The following EYS variants were observed in gnomAD, a reference collection of about 807,000 sequenced individuals.
The protein encoded by EYS is EGF-like photoreceptor maintenance factor.
Under a neutral mutation model 282.1 loss-of-function variants are expected in EYS, and 250 were observed. The ratio of observed to expected loss-of-function variants is 0.89; its 90% CI spans 0.80 to 0.98. The LOEUF is 0.98. Ranked by LOEUF, EYS falls within the 50% of genes least tolerant of loss-of-function variation. The probability of loss-of-function intolerance (pLI) is 0.00; values close to 1 mark genes in which losing one functional copy is unlikely to be tolerated. For missense variants in EYS, 4,016 were observed against 3,709.0 expected (o/e 1.08, Z -2.15); for synonymous variants, 1,355 against 1,282.9 (o/e 1.06, Z -1.20).
At chr6:64,716,520 C>T (rs550026696) in intron 22 of EYS, among the ~76,000 whole-genome samples, 1 of 152,304 alleles carries the variant, frequency 6.6e-6, no homozygotes, top group South Asian at 2.1e-4. Context: ...TATCCTCTGC[C>T]ATTTCACCAA....
chr6:64,962,087 T>C (rs991215686), intron 14 of EYS, among the ~76,000 whole-genome samples: 1 of 152,132 alleles, frequency 6.6e-6, no homozygotes, highest in Non-Finnish European at 1.5e-5. Context: ...CTGTTCTTTG[T>C]CACTACTTCT....
intron 42 of EYS, among the ~76,000 whole-genome samples, chr6:63,723,784 T>C (rs917143787): frequency 7.3e-6 from 1 of 136,788 alleles, no homozygotes; most frequent in African/African-American, 2.7e-5. Flanking sequence ...TAAGTACACA[T>C]TGGCATTATT....
intron 35 of EYS, among the ~76,000 whole-genome samples, chr6:63,951,942 C>A (rs1765613449): frequency 1.3e-5 from 2 of 152,070 alleles, no homozygotes; most frequent in Admixed American, 1.3e-4. Flanking sequence ...ATTTTATTAC[C>A]CAATCTGCTC....
intron 22 of EYS, among the ~76,000 whole-genome samples, chr6:64,811,421 T>TAAA (rs35955002): frequency 6.8e-5 from 10 of 146,350 alleles, no homozygotes; most frequent in African/African-American, 2.5e-4. Context: ...CTTCATGCTG[T>TAAA]AAAAAAAAAA....
chr6:64,466,665 C>T (rs1215195814), intron 26 of EYS, among the ~76,000 whole-genome samples: 1 of 151,904 alleles, frequency 6.6e-6, no homozygotes, highest in Non-Finnish European at 1.5e-5. Context: ...TTAAAGATAT[C>T]TATTGTACAA....
At chr6:65,183,348 A>G (rs1002471280) in intron 12 of EYS, among the ~76,000 whole-genome samples, 1 of 151,910 alleles carries the variant, frequency 6.6e-6, no homozygotes, top group African/African-American at 2.4e-5. Flanking sequence ...TAAAAAGTGT[A>G]AAAAGGGTGA....
intron 13 of EYS, among the ~76,000 whole-genome samples, chr6:65,028,838 T>C (rs183701577): frequency 2.2e-4 from 34 of 152,220 alleles, no homozygotes; most frequent in African/African-American, 7.2e-4. Flanking sequence ...AGTTTAGCAA[T>C]CATTGATAAT....
At chr6:64,492,958 C>A (rs1383549685) in intron 26 of EYS, among the ~76,000 whole-genome samples, 1 of 151,194 alleles carries the variant, frequency 6.6e-6, no homozygotes, top group African/African-American at 2.4e-5. Context: ...TGTCATAATG[C>A]AAGTAAATTC....
intron 2 of EYS, among the ~76,000 whole-genome samples, chr6:65,514,565 C>G (rs1209041106): frequency 6.6e-6 from 1 of 152,186 alleles, no homozygotes; most frequent in Non-Finnish European, 1.5e-5. Context: ...GTAACCAAAA[C>G]AGCATGGTAC....
At chr6:65,620,260 G>A (rs547898111) in intron 2 of EYS, among the ~76,000 whole-genome samples, 7 of 152,160 alleles carry the variant, frequency 4.6e-5, no homozygotes, top group South Asian at 4.2e-4. Flanking sequence ...CAGAGATTCA[G>A]CTTCTTCCTG....
At position 64,972,693 on chromosome 6, in the gene EYS, GACTACATT is replaced by G. The variant is rs369752227; in HGVS notation, c.2259+24881_2259+24888del. Among the ~76,000 whole-genome samples, 282 of 152,190 alleles carry G rather than the reference GACTACATT, an allele frequency of 1.9e-3. 2 individuals are homozygous for G. The highest frequency in any genetic ancestry group is 6.7e-3 in the African/African-American group (278 of 41,552). On this transcript the variant is annotated intron_variant, in intron 14 of 42. Transcript: ENST00000503581. ...ATATAATATAGAAAACGTGTTAGTA[GACTACATT>G]ACTGGTAAGTCTTCCAGTCAACAGT... is the stretch of plus-strand genomic sequence containing the variant.
chr6:65,108,111 AT>A (rs1247490892), intron 12 of EYS, among the ~76,000 whole-genome samples: 5 of 152,066 alleles, frequency 3.3e-5, no homozygotes, highest in African/African-American at 1.2e-4. Context: ...TCTTTACTGA[AT>A]ATATGTATGA....
intron 5 of EYS, among the ~76,000 whole-genome samples, chr6:65,470,575 C>T (rs1765174074): frequency 6.6e-6 from 1 of 152,048 alleles, no homozygotes; most frequent in Non-Finnish European, 1.5e-5. Flanking sequence ...CCATTCTATA[C>T]AATAGATATC....
chr6:65,403,317 C>T (rs2150364249), intron 6 of EYS, among the ~76,000 whole-genome samples: 1 of 152,140 alleles, frequency 6.6e-6, no homozygotes. Context: ...AAGTTAATTT[C>T]ACCTGCATTC....
intron 34 of EYS, among the ~76,000 whole-genome samples, chr6:63,994,384 T>G (rs1453385416): frequency 6.6e-6 from 1 of 151,888 alleles, no homozygotes; most frequent in Admixed American, 6.6e-5. Flanking sequence ...TTCCCAAGGA[T>G]TCTCATTATT....
chr6:65,691,425 G>A (rs922227218), intron 1 of EYS, among the ~76,000 whole-genome samples: 3 of 150,090 alleles, frequency 2.0e-5, no homozygotes, highest in Admixed American at 6.7e-5. Context: ...TTTTTGATAG[G>A]GTTGTTTGTT....
At chr6:64,812,240 T>TACACAC (rs71739816) in intron 22 of EYS, among the ~76,000 whole-genome samples, 234 of 148,042 alleles carry the variant, frequency 1.6e-3, no homozygotes, top group African/African-American at 2.0e-3. Context: ...GGATTTAAAA[T>TACACAC]ACACACACAC....
chr6:65,488,763 T>C (rs1339282898), intron 5 of EYS, among the ~76,000 whole-genome samples: 1 of 152,148 alleles, frequency 6.6e-6, no homozygotes, highest in Non-Finnish European at 1.5e-5. Flanking sequence ...AGCATGGTAC[T>C]GGTACCAAAA....
chr6:65,455,974 GGAAA>G (rs1179679760), intron 5 of EYS, among the ~76,000 whole-genome samples: 1 of 138,830 alleles, frequency 7.2e-6, no homozygotes, highest in Middle Eastern at 4.0e-3. Flanking sequence ...GGAAGGAAGG[GGAAA>G]GAAAGAAAGA....
Sources: gnomAD v4.1 joint callset for allele counts (sites outside exome capture counted in the v4.1 genomes callset) on GRCh38, gnomAD v4.1.1 for gene constraint, MANE v1.5 for transcripts, NCBI Gene and HGNC (gene_info 2026-07-23, HGNC 2026-07-21) for gene names.